Variants in PRDM13 observed in about 807,000 individuals in gnomAD.
The protein encoded by PRDM13 is PR domain zinc finger protein 13.
A neutral mutation model predicts 36.4 loss-of-function variants in PRDM13; 15 were observed. The ratio of observed to expected loss-of-function variants is 0.41; its 90% CI spans 0.28 to 0.64. PRDM13 has a LOEUF of 0.64. PRDM13 is among the 30% of genes least tolerant of loss of function. PRDM13 has a pLI of 0.29. For missense variants in PRDM13, 1,044 were observed against 1,013.5 expected (o/e 1.03, Z -0.41); for synonymous variants, 531 against 467.7 (o/e 1.14, Z -1.75).
rs779347242 is a variant in PRDM13, at chr6:99,609,358, G to A, written c.397+51G>A. Reference sequence around the variant, plus strand: ...GCAAAAGTCCAGCCCTCCTCCTCCTGTCTTGAAGCGAGTCCCTAGACATAG... The same window carrying A: ...GCAAAAGTCCAGCCCTCCTCCTCCTATCTTGAAGCGAGTCCCTAGACATAG... On this transcript the variant is annotated intron_variant, in intron 3 of 3. Coordinates refer to ENST00000369215, the MANE Select transcript of PRDM13 (RefSeq NM_021620.4). 2.5e-6 allele frequency: 4 copies of A among 1,589,174 alleles called. No individual in the cohort carries two copies. The Admixed American group carries it at 5.0e-5, about 20-fold the overall frequency.
chr6:99,611,999 T>C (rs1770037751), intron 3 of PRDM13, among the ~76,000 whole-genome samples: 1 of 152,224 alleles, frequency 6.6e-6, no homozygotes, highest in Non-Finnish European at 1.5e-5. Context: ...CTTGATTGTG[T>C]TCACAAACTC....
chr6:99,609,168 T>A lies in PRDM13; in HGVS notation c.277-19T>A, dbSNP rs199557045. The A allele has an allele frequency of 5.7e-5, 92 of 1,613,116 alleles. No individual in the cohort carries two copies. Among genetic ancestry groups the A allele is most frequent in the Non-Finnish European group, 7.8e-5 (92 of 1,179,466 alleles). On this transcript the variant is annotated intron_variant, in intron 2 of 3. Coordinates refer to ENST00000369215, the MANE Select transcript of PRDM13 (RefSeq NM_021620.4). ...TACCCAGGAAATGACATTGAACTGT[T>A]CTATTCCTTGCGTCCCAGATCTTCT...
Position 99,613,716 on chromosome 6 carries a change from C to T in PRDM13, c.1081C>T (p.His361Tyr). 1 of 1,490,966 alleles carries T rather than the reference C, an allele frequency of 6.7e-7. No individual in the cohort carries two copies. The highest frequency in any genetic ancestry group is 8.9e-7 in the Non-Finnish European group (1 of 1,128,530). 92.4% of individuals were successfully genotyped at this position (1,490,966 alleles called of 1,614,324 possible). A position where few individuals can be genotyped will look rare whatever the true frequency, so the allele number is the denominator to read the frequency against. The change falls in exon 4 of 4, where the codon CAC (histidine) becomes TAC (tyrosine). Residue 361 changes from histidine to tyrosine, a missense_variant. Physicochemically the swap from His to Tyr is moderately conservative, Grantham distance 83 (BLOSUM62 2). Transcript: ENST00000369215. The surrounding 1 kb of genome is among the most constrained non-coding windows in gnomAD (Gnocchi z 6.1). Reference sequence around the variant, plus strand: ...CCACCATCACCACCACGCGCACCACCACCACCATCCCAAGTGCCTGCTCGC... The same window carrying T: ...CCACCATCACCACCACGCGCACCACTACCACCATCCCAAGTGCCTGCTCGC... ...GHHHHHHAHH[H>Y]HHPKCLLAGD...
chr6:99,614,161 C>T lies in PRDM13; in HGVS notation c.1526C>T (p.Pro509Leu). Reference protein sequence around the residue: ...FSGPAAAALSPAELGSLASID... With the variant: ...FSGPAAAALSLAELGSLASID... The stretch of plus-strand genomic sequence containing the variant: ...GGGCCTGCAGCGGCCGCCCTAAGCC[C>T]CGCCGAGCTGGGGTCGCTGGCCAGC... The change falls in exon 4 of 4, where the codon CCC becomes CTC. Residue 509 changes from proline (P) to leucine (L), a missense_variant. By Grantham distance (98) the Pro-to-Leu change is moderately conservative. Transcript: ENST00000369215. 3.7e-6 allele frequency: 6 copies of T among 1,601,350 alleles called. No homozygotes were observed. The highest frequency in any genetic ancestry group is 1.1e-5 in the South Asian group (1 of 90,660).
In PRDM13 at chr6:99,613,957, C is replaced by A; in HGVS notation, c.1322C>A (p.Pro441Gln). Residue 441 changes from proline to glutamine, a missense_variant, in exon 4 of 4, where the codon CCG becomes CAG. Around this residue, in one of 3 missense-constraint regions of PRDM13, gnomAD observed 921 missense variants for 865.2 expected, o/e 1.06. Transcript: ENST00000369215. The surrounding 1 kb of genome is among the most constrained non-coding windows in gnomAD (Gnocchi z 6.1). ...CGCTGCGCGCTGCCGCCCCTCGACC[C>A]GGGCGGTCTCAAAGCCTATCCGGGT... is the stretch of plus-strand genomic sequence containing the variant. ...LERCALPPLD[P>Q]GGLKAYPGGE... 6.3e-7 allele frequency: 1 copy of A among 1,593,092 alleles called. No homozygotes were observed. Among genetic ancestry groups the A allele is most frequent in the Non-Finnish European group, 8.5e-7 (1 of 1,173,142 alleles).
At chr6:99,612,164 A>G (rs1003689856) in intron 3 of PRDM13, among the ~76,000 whole-genome samples, 15 of 152,342 alleles carry the variant, frequency 9.8e-5, no homozygotes, top group African/African-American at 3.1e-4. Flanking sequence ...ATATTCATAT[A>G]ATAAAAAACT....
chr6:99,613,931 G>A lies in PRDM13; in HGVS notation c.1296G>A (p.Glu432=). 1 of 1,587,858 alleles carries A rather than the reference G, an allele frequency of 6.3e-7. No homozygotes were observed. The highest frequency in any genetic ancestry group is 8.5e-7 in the Non-Finnish European group (1 of 1,171,286). Residue 432 remains glutamate (E), a synonymous_variant, in exon 4 of 4, where the codon GAG becomes GAA. Transcript: ENST00000369215. The surrounding 1 kb of genome is among the most constrained non-coding windows in gnomAD (Gnocchi z 6.1). ...CCCCTGCGCCGGGGTTGCCCCTCGA[G>A]CGCTGCGCGCTGCCGCCCCTCGACC... The part of the protein sequence containing the change: ...QLPPAPGLPL[E]RCALPPLDPG...
Position 99,613,322 on chromosome 6 carries a change from C to T in PRDM13, c.687C>T (p.Arg229=). 6 of 1,559,294 alleles carry T rather than the reference C, an allele frequency of 3.8e-6. No individual in the cohort carries two copies. The highest frequency in any genetic ancestry group is 5.2e-6 in the Non-Finnish European group (6 of 1,156,236). Residue 229 remains arginine, a synonymous_variant, in exon 4 of 4, where the codon CGC becomes CGT. Transcript: ENST00000369215. The surrounding 1 kb of genome is among the most constrained non-coding windows in gnomAD (Gnocchi z 6.1). ...QACGAREGIK[R]EASSAPSATS... Reference sequence around the variant, plus strand: ...GCGGTGCGCGGGAGGGCATCAAGCGCGAGGCCTCTTCCGCGCCCTCGGCCA... The same window carrying T: ...GCGGTGCGCGGGAGGGCATCAAGCGTGAGGCCTCTTCCGCGCCCTCGGCCA...
intron 3 of PRDM13, among the ~76,000 whole-genome samples, chr6:99,612,754 C>G (rs371033020): frequency 1.3e-5 from 2 of 152,168 alleles, no homozygotes; most frequent in African/African-American, 4.8e-5. Flanking sequence ...GCCCTTCCAA[C>G]GAAGATTTTG....
Position 99,614,705 on chromosome 6 carries a change from C to T in PRDM13, c.2070C>T (p.Phe690=). The T allele has an allele frequency of 6.2e-7, 1 of 1,605,316 alleles. No homozygotes were observed. The highest frequency in any genetic ancestry group is 8.5e-7 in the Non-Finnish European group (1 of 1,175,704). Residue 690 remains phenylalanine (F), a synonymous_variant, in exon 4 of 4, where the codon TTC becomes TTT. Transcript: ENST00000369215. Reference sequence around the variant, plus strand: ...ACGACAGTGACGTGGACGTCTGCTTCACAGACGACCAGAGCGACCCCGAGG... The same window carrying T: ...ACGACAGTGACGTGGACGTCTGCTTTACAGACGACCAGAGCGACCCCGAGG... ...KSDDSDVDVC[F]TDDQSDPEVG...
At chr6:99,609,898 A>T (rs373188342) in intron 3 of PRDM13, among the ~76,000 whole-genome samples, 20,633 of 98,438 alleles carry the variant, frequency 0.21, 1,479 homozygotes, top group Middle Eastern at 0.3. Flanking sequence ...ATAAATAAAT[A>T]AAAATAAAAA....
chr6:99,607,195 C>T lies in PRDM13; in HGVS notation c.144+17C>T. On this transcript the variant is annotated intron_variant, in intron 1 of 3. Coordinates refer to ENST00000369215, the MANE Select transcript of PRDM13 (RefSeq NM_021620.4). The stretch of plus-strand genomic sequence containing the variant: ...AAGAAAAAGGTATTGACCATTCAGA[C>T]CTCTGCCCACTGCCATTCGCCTCTC... The T allele has an allele frequency of 1.2e-6, 2 of 1,612,106 alleles. No individual in the cohort carries two copies. Among genetic ancestry groups the T allele is most frequent in the Non-Finnish European group, 1.7e-6 (2 of 1,179,552 alleles).
chr6:99,608,486 C>T lies in PRDM13; in HGVS notation c.145-255C>T, dbSNP rs1053147674. Among the ~76,000 whole-genome samples, 5 of 152,104 alleles carry T rather than the reference C, an allele frequency of 3.3e-5. No individual in the cohort carries two copies. In the South Asian group the frequency reaches 1.0e-3, roughly 32 times the overall value. ...GCACTCAGGGAGGATGCTCTCAACA[C>T]CCCTCTCCCCTCCCCGTGTCGTCAA... On this transcript the variant is annotated intron_variant, in intron 1 of 3. Transcript: ENST00000369215.
At chr6:99,612,726 C>G (rs889257108) in intron 3 of PRDM13, among the ~76,000 whole-genome samples, 1 of 152,188 alleles carries the variant, frequency 6.6e-6, no homozygotes, top group African/African-American at 2.4e-5. Flanking sequence ...TCTTACACGG[C>G]CAGCCTGCCT....
Position 99,614,831 on chromosome 6 carries a change from CCTG to C in PRDM13, c.*73_*75del. 1 of 1,503,392 alleles carries C rather than the reference CCTG, an allele frequency of 6.7e-7. No homozygotes were observed. The highest frequency in any genetic ancestry group is 8.9e-7 in the Non-Finnish European group (1 of 1,126,676). The allele number at this position is 1,503,392 out of a possible 1,614,324, so 93.1% of individuals were successfully genotyped here. A position where few individuals can be genotyped will look rare whatever the true frequency, so the allele number is the denominator to read the frequency against. On this transcript the variant is annotated 3_prime_UTR_variant, in exon 4 of 4. Transcript: ENST00000369215. Reference sequence around the variant, plus strand: ...GGTTTATTCTCGCAGTAGAGGAACTCCTGGTGGTGGGAAGAGGGACCCAATGGA... The same window carrying C: ...GGTTTATTCTCGCAGTAGAGGAACTCGTGGTGGGAAGAGGGACCCAATGGA...
intron 3 of PRDM13, among the ~76,000 whole-genome samples, chr6:99,609,512 G>A (rs1309238118): frequency 1.3e-5 from 2 of 152,140 alleles, no homozygotes; most frequent in Non-Finnish European, 2.9e-5. Context: ...CACAATGGCA[G>A]GGGAAAAAGT....
At chr6:99,608,670 G>A in intron 1 of PRDM13, 71 bp from the exon 2 acceptor site, 1 of 1,535,326 alleles carries the variant, frequency 6.5e-7, no homozygotes, top group Non-Finnish European at 8.8e-7. Context: ...TTGGGGTGGA[G>A]GATAAACTTT....
In PRDM13 at chr6:99,607,006, C is replaced by G; in HGVS notation, c.-29C>G. On this transcript the variant is annotated 5_prime_UTR_variant, in exon 1 of 4. Transcript: ENST00000369215. ...CGCCCTTCCAAGGACCTGGAGCACC[C>G]GAGCGCCTGCCTGGTGGCGGCGGCA... 6.3e-7 allele frequency: 1 copy of G among 1,593,426 alleles called. No individual in the cohort carries two copies. The highest frequency in any genetic ancestry group is 8.5e-7 in the Non-Finnish European group (1 of 1,169,966).
rs770652408 is a variant in PRDM13 at position 99,614,281 on chromosome 6, C to A, written c.1646C>A (p.Ala549Asp). 2 of 1,606,190 alleles carry A rather than the reference C, an allele frequency of 1.2e-6. No individual in the cohort carries two copies. The highest frequency in any genetic ancestry group is 1.7e-6 in the Non-Finnish European group (2 of 1,176,732). Reference protein sequence around the residue: ...GRLDSGTLPPAVAAAGGTGGG... With the variant: ...GRLDSGTLPPDVAAAGGTGGG... ...CTGGACTCGGGGACGTTGCCACCGG[C>A]CGTCGCGGCGGCGGGAGGCACCGGG... Residue 549 changes from alanine (A) to aspartate (D), a missense_variant, in exon 4 of 4, where the codon GCC becomes GAC. Physicochemically the swap from Ala to Asp is moderately radical, Grantham distance 126 (BLOSUM62 -2). Transcript: ENST00000369215.
Sources: gnomAD v4.1 joint callset for allele counts (sites outside exome capture counted in the v4.1 genomes callset) on GRCh38, gnomAD v4.1.1 for gene constraint, gnomAD v4.1.1 regional missense constraint, Gnocchi (gnomAD v3.1) non-coding constraint, MANE v1.5 for transcripts, NCBI Gene and HGNC (gene_info 2026-07-23, HGNC 2026-07-21) for gene names.